The following GLIS3 variants were observed in gnomAD, a reference collection of about 807,000 sequenced individuals.
The protein encoded by GLIS3 is GLIS family zinc finger 3.
GLIS3 carries 53 observed loss-of-function variants against 78.6 expected under a neutral mutation model. The ratio of observed to expected loss-of-function variants is 0.67; its 90% CI spans 0.54 to 0.85. The LOEUF is 0.85. GLIS3 is among the 40% of genes least tolerant of loss of function. The pLI, the probability that GLIS3 is intolerant of heterozygous loss-of-function variation, is 0.00. For synonymous variants in GLIS3, 684 were observed against 509.9 expected (o/e 1.34, Z -4.60); for missense variants, 1,703 against 1,231.1 (o/e 1.38, Z -5.74).
At chr9:3,886,905 A>C (rs1482412809) in intron 7 of GLIS3, among the ~76,000 whole-genome samples, 1 of 152,170 alleles carries the variant, frequency 6.6e-6, no homozygotes, top group East Asian at 1.9e-4. Context: ...CAATGAGTAG[A>C]AGGAGCTGGT....
chr9:4,251,913 A>C (rs1824432337), intron 2 of GLIS3, among the ~76,000 whole-genome samples: 1 of 152,134 alleles, frequency 6.6e-6, no homozygotes. Flanking sequence ...TCTTTCCTTT[A>C]AGAATGTTTA....
At chr9:4,244,866 A>G (rs1016604666) in intron 2 of GLIS3, among the ~76,000 whole-genome samples, 6 of 152,168 alleles carry the variant, frequency 3.9e-5, no homozygotes, top group Non-Finnish European at 7.4e-5. Context: ...GTAAGCCACC[A>G]TGCCTGACCA....
At chr9:4,230,485 T>A (rs1183425454) in intron 2 of GLIS3, among the ~76,000 whole-genome samples, 1 of 152,024 alleles carries the variant, frequency 6.6e-6, no homozygotes, top group Non-Finnish European at 1.5e-5. Flanking sequence ...AAGAAAGCGA[T>A]AGAAAATGAT....
intron 2 of GLIS3, among the ~76,000 whole-genome samples, chr9:4,323,033 C>T (rs1272764568): frequency 6.6e-6 from 1 of 152,090 alleles, no homozygotes; most frequent in Non-Finnish European, 1.5e-5. Flanking sequence ...TCTCTAAAGT[C>T]TTTATGATTT....
At chr9:4,192,988 C>T (rs1045897581) in intron 2 of GLIS3, among the ~76,000 whole-genome samples, 1 of 152,206 alleles carries the variant, frequency 6.6e-6, no homozygotes, top group African/African-American at 2.4e-5. Flanking sequence ...AACTGGCAAG[C>T]TATGATGCTG....
intron 2 of GLIS3, among the ~76,000 whole-genome samples, chr9:4,244,260 CA>C (rs1823592493): frequency 1.3e-5 from 2 of 152,210 alleles, no homozygotes; most frequent in South Asian, 4.1e-4. Context: ...ACGTACATGG[CA>C]CAGTAAATAC....
At chr9:4,359,120 G>C in the GLIS3 span, among the ~76,000 whole-genome samples, 2 of 152,180 alleles carry the variant, frequency 1.3e-5, no homozygotes, top group East Asian at 1.9e-4. Context: ...TCCTGCGGTC[G>C]AAAGTGGCTT....
chr9:4,430,285 A>T, the GLIS3 span, among the ~76,000 whole-genome samples: 5 of 152,198 alleles, frequency 3.3e-5, no homozygotes, highest in Non-Finnish European at 7.3e-5. Context: ...AGATCATCCT[A>T]TGTTTTTTAG....
At chr9:4,276,047 C>A (rs1425400529) in intron 2 of GLIS3, among the ~76,000 whole-genome samples, 1 of 151,914 alleles carries the variant, frequency 6.6e-6, no homozygotes, top group South Asian at 2.1e-4. Context: ...CTTTGGAAGG[C>A]CGAGGCAGAT....
chr9:4,391,843 G>T, the GLIS3 span, among the ~76,000 whole-genome samples: 3 of 152,218 alleles, frequency 2.0e-5, no homozygotes, highest in East Asian at 5.8e-4. Flanking sequence ...ACAATGTGGC[G>T]ATTCCTCAAA....
chr9:4,158,710 CAAGT>C (rs1482246081), intron 2 of GLIS3, among the ~76,000 whole-genome samples: 1 of 152,130 alleles, frequency 6.6e-6, no homozygotes, highest in Non-Finnish European at 1.5e-5. Context: ...GTAAATAAGA[CAAGT>C]AACATTCCCC....
At chr9:3,976,635 T>C (rs1818809219) in intron 4 of GLIS3, among the ~76,000 whole-genome samples, 1 of 150,988 alleles carries the variant, frequency 6.6e-6, no homozygotes, top group African/African-American at 2.4e-5. Context: ...AACATCTCAA[T>C]CAGGCCCAAG....
intron 7 of GLIS3, among the ~76,000 whole-genome samples, chr9:3,885,791 C>T (rs1822036910): frequency 6.6e-6 from 1 of 152,186 alleles, no homozygotes; most frequent in South Asian, 2.1e-4. Context: ...CCCTCAGCCT[C>T]ATCAGAAATC....
At chr9:4,230,923 A>G (rs1177325826) in intron 2 of GLIS3, among the ~76,000 whole-genome samples, 1 of 152,190 alleles carries the variant, frequency 6.6e-6, no homozygotes, top group African/African-American at 2.4e-5. Flanking sequence ...AAAAATGTTT[A>G]GAGCCAGGTG....
intron 4 of GLIS3, among the ~76,000 whole-genome samples, chr9:3,938,080 A>C (rs1489853825): frequency 6.6e-6 from 1 of 152,196 alleles, no homozygotes; most frequent in Non-Finnish European, 1.5e-5. Context: ...CAATCTAATA[A>C]AGAAAATGTG....
In GLIS3 at chr9:4,118,386, C is replaced by T. The variant is rs74680081; in HGVS notation, c.1092G>A (p.Pro364=). The T allele has an allele frequency of 2.5e-6, 4 of 1,599,948 alleles. No homozygotes were observed. The highest frequency in any genetic ancestry group is 2.3e-5 in the East Asian group (1 of 44,406). Residue 364 remains proline (P), a synonymous_variant, in exon 4 of 11, where the codon CCG becomes CCA. Transcript: ENST00000381971. The surrounding 1 kb of genome is among the most constrained non-coding windows in gnomAD (Gnocchi z 4.7). ...GCACGCCCTTCTGGCTGCCGGGCAC[C>T]GGGCGCGGCTGGGGAATGCAGCTGC... ...VRGSCIPQPR[P]VPGSQKGVLV... is the part of the protein sequence containing the mutation.
intron 9 of GLIS3, 43 bp downstream of exon 9, chr9:3,855,966 T>C: frequency 6.4e-7 from 1 of 1,558,750 alleles, no homozygotes; most frequent in African/African-American, 1.4e-5. Context: ...AACAGCACAA[T>C]GTCACTTTTC....
chr9:4,156,359 A>G (rs1835041114), intron 2 of GLIS3, among the ~76,000 whole-genome samples: 1 of 152,178 alleles, frequency 6.6e-6, no homozygotes, highest in Non-Finnish European at 1.5e-5. Context: ...AAACCTCAGG[A>G]GAGAAGCACT....
chr9:4,011,961 G>C (rs1232843367), intron 4 of GLIS3, among the ~76,000 whole-genome samples: 1 of 152,096 alleles, frequency 6.6e-6, no homozygotes, highest in South Asian at 2.1e-4. Flanking sequence ...GGCATCAGAA[G>C]TCAGAAAGGT....
Sources: allele counts gnomAD v4.1 joint callset (sites outside exome capture counted in the v4.1 genomes callset), GRCh38; gene constraint gnomAD v4.1.1; non-coding constraint Gnocchi (gnomAD v3.1); transcripts MANE v1.5; gene names NCBI Gene and HGNC (gene_info 2026-07-23, HGNC 2026-07-21).